GPBP1L1: variants seen among roughly 807,000 people sequenced by gnomAD.
The protein encoded by GPBP1L1 is GC-rich promoter binding protein 1 like 1.
A neutral mutation model predicts 52.5 loss-of-function variants in GPBP1L1; 23 were observed. That is an observed-to-expected ratio of 0.44 (90% confidence interval 0.32 to 0.62). The LOEUF (loss-of-function observed/expected upper bound fraction) is 0.62, where lower values mean the gene tolerates loss of function less well. GPBP1L1 is among the 20% of genes least tolerant of loss of function. The probability of loss-of-function intolerance (pLI) is 0.06; values close to 1 mark genes in which losing one functional copy is unlikely to be tolerated. For missense variants in GPBP1L1, 596 were observed against 579.3 expected, an observed-to-expected ratio of 1.03 and a Z score of -0.30; for synonymous variants, 243 against 203.1, an observed-to-expected ratio of 1.20 and a Z score of -1.67.
rs996254720 is a variant in GPBP1L1 at position 45,660,974 on chromosome 1, A to G, written c.-846T>C. On this transcript the variant is annotated 5_prime_UTR_variant, in exon 3 of 13. Transcript: ENST00000355105. ...CCTTTACTATTTATAAATTCAGAGC[A>G]AAGTTAAAACATTAGAACGATGGGT... The G allele has an allele frequency of 6.6e-6, 1 of 152,254 alleles. No individual in the cohort carries two copies. The highest frequency in any genetic ancestry group is 2.4e-5 in the African/African-American group (1 of 41,464). 9.4% of individuals were successfully genotyped at this position (152,254 alleles called of 1,614,324 possible).
At chr1:45,639,274 G>A (rs1300342057) in intron 8 of GPBP1L1, among the ~76,000 whole-genome samples, 1 of 152,136 alleles carries the variant, frequency 6.6e-6, no homozygotes, top group Non-Finnish European at 1.5e-5. Flanking sequence ...AGGTATACTA[G>A]AACAGTAAAT....
At chr1:45,634,372 G>A in intron 8 of GPBP1L1, 136 bp from the exon 9 acceptor site, 1 of 841,796 alleles carries the variant, frequency 1.2e-6, no homozygotes, top group East Asian at 2.7e-5. Context: ...ACATGTTTGG[G>A]AAGTATGCAA....
Position 45,630,577 on chromosome 1 carries a change from C to G in GPBP1L1, c.1074G>C (p.Lys358Asn), listed in dbSNP as rs746106349. ...DLEDNSTPEPKENGEEGCHQN... is the reference protein window; with the variant it reads ...DLEDNSTPEPNENGEEGCHQN... Reference sequence around the variant, plus strand: ...GATGACAGCCTTCCTCCCCATTTTCCTTTGGTTCAGGTGTGCTGTTGTCCT... The same window carrying G: ...GATGACAGCCTTCCTCCCCATTTTCGTTTGGTTCAGGTGTGCTGTTGTCCT... The change falls in exon 11 of 13, where the codon AAG (lysine) becomes AAC (asparagine). Residue 358 changes from lysine to asparagine, a missense_variant. Physicochemically the swap from Lys to Asn is moderately conservative, Grantham distance 94. Transcript: ENST00000355105. 1 of 1,614,072 alleles carries G rather than the reference C, an allele frequency of 6.2e-7. No individual in the cohort carries two copies. The highest frequency in any genetic ancestry group is 1.1e-5 in the South Asian group (1 of 91,078).
chr1:45,628,000 G>GTGTGTA lies in GPBP1L1; in HGVS notation c.*250_*255dup. On this transcript the variant is annotated 3_prime_UTR_variant, in exon 13 of 13. Transcript: ENST00000355105. Reference sequence around the variant, plus strand: ...CTGTGCATCGCCCCATATATACTGGGTGTGTATGTGTGTGTGTGTGTGAGT... The same window carrying GTGTGTA: ...CTGTGCATCGCCCCATATATACTGGGTGTGTATGTGTATGTGTGTGTGTGTGTGAGT... 1 of 406,604 alleles carries GTGTGTA rather than the reference G, an allele frequency of 2.5e-6. No homozygotes were observed. The highest frequency in any genetic ancestry group is 3.8e-5 in the Admixed American group (1 of 26,084). The allele number at this position is 406,604 out of a possible 1,614,324, so 25.2% of individuals were successfully genotyped here. A position where few individuals can be genotyped will look rare whatever the true frequency, so the allele number is the denominator to read the frequency against.
intron 2 of GPBP1L1, among the ~76,000 whole-genome samples, chr1:45,682,761 T>G (rs1645226329): frequency 1.3e-5 from 2 of 152,200 alleles, no homozygotes; most frequent in Non-Finnish European, 2.9e-5. Context: ...AAAAATTCAA[T>G]TTACATAACA....
chr1:45,675,176 A>G (rs1398883872), intron 2 of GPBP1L1, among the ~76,000 whole-genome samples: 1 of 152,124 alleles, frequency 6.6e-6, no homozygotes, highest in African/African-American at 2.4e-5. Context: ...GCATGCCTGT[A>G]GTCCCAGCTA....
chr1:45,682,002 A>C (rs1189818168), intron 2 of GPBP1L1, among the ~76,000 whole-genome samples: 1 of 152,212 alleles, frequency 6.6e-6, no homozygotes, highest in East Asian at 1.9e-4. Flanking sequence ...GTTAATATCT[A>C]CTTCTTTAAA....
rs1409151221 is a variant in GPBP1L1 at position 45,634,123 on chromosome 1, A to G, written c.858T>C (p.Ser286=). Residue 286 remains serine (S), a synonymous_variant, in exon 9 of 13, where the codon AGT becomes AGC. Transcript: ENST00000355105. ...ISVTKPVVLA[S]GAALSSPKES... is the part of the protein sequence containing the mutation. ...CTTTGGGAGAACTCAGAGCTGCACC[A>G]CTAGCCAGTACCACTGGTTTGGTAA... 5.6e-6 allele frequency: 9 copies of G among 1,613,462 alleles called. No homozygotes were observed. Among genetic ancestry groups the G allele is most frequent in the Non-Finnish European group, 7.6e-6 (9 of 1,179,608 alleles).
rs893655441 is a variant in GPBP1L1 at position 45,634,228 on chromosome 1, T to C, written c.753A>G (p.Ala251=). ...TGTGCTCCATCCTGTTAGCTTTCCA[T>C]GCATTAGGCTACACAGGGTGAAAGA... is the stretch of plus-strand genomic sequence containing the variant. ...KPVPPPSKPN[A]WKANRMEHKS... is the part of the protein sequence containing the mutation. Residue 251 remains alanine (A), a synonymous_variant, in exon 9 of 13, where the codon GCA becomes GCG. Coordinates refer to ENST00000355105, the MANE Select transcript of GPBP1L1 (RefSeq NM_021639.5). 8 of 1,612,030 alleles carry C rather than the reference T, an allele frequency of 5.0e-6. No individual in the cohort carries two copies. Among genetic ancestry groups the C allele is most frequent in the Non-Finnish European group, 5.9e-6 (7 of 1,178,794 alleles).
chr1:45,647,906 G>A (rs780625223), intron 6 of GPBP1L1, among the ~76,000 whole-genome samples: 36 of 152,078 alleles, frequency 2.4e-4, no homozygotes, highest in Non-Finnish European at 4.4e-4. Flanking sequence ...GGTAGTGGCT[G>A]CTCCTTGTAT....
At chr1:45,659,372 A>T (rs977644559) in intron 3 of GPBP1L1, among the ~76,000 whole-genome samples, 3 of 152,182 alleles carry the variant, frequency 2.0e-5, no homozygotes, top group African/African-American at 7.2e-5. Context: ...TGGAAGATTT[A>T]TTTTTTGGAG....
At chr1:45,653,724 A>T (rs1281609242) in intron 6 of GPBP1L1, among the ~76,000 whole-genome samples, 1 of 145,714 alleles carries the variant, frequency 6.9e-6, no homozygotes, top group Non-Finnish European at 1.5e-5. Flanking sequence ...TTTGAGACAG[A>T]GTCTCACTCT....
rs746383079 is a variant in GPBP1L1 at position 45,659,109 on chromosome 1, A to G, written c.-22T>C. 1 of 1,613,802 alleles carries G rather than the reference A, an allele frequency of 6.2e-7. No homozygotes were observed. Among genetic ancestry groups the G allele is most frequent in the Non-Finnish European group, 8.5e-7 (1 of 1,179,692 alleles). On this transcript the variant is annotated 5_prime_UTR_variant, in exon 4 of 13. An upstream open reading frame in the 5' UTR loses its in-frame stop. Coordinates refer to ENST00000355105, the MANE Select transcript of GPBP1L1 (RefSeq NM_021639.5). ...CCATTTAGGTCCAGTGTCTCCTTTC[A>G]GTAAGGTGAGGCATCCAACCTCATG...
At chr1:45,633,302 T>A (rs1363064357) in intron 10 of GPBP1L1, among the ~76,000 whole-genome samples, 187 bp downstream of exon 10, 3 of 152,196 alleles carry the variant, frequency 2.0e-5, no homozygotes, top group African/African-American at 7.2e-5. Flanking sequence ...AAACCCGAAT[T>A]TAACATTTTT....
In GPBP1L1 at chr1:45,659,122, A is replaced by G; in HGVS notation, c.-35T>C. 6.2e-7 allele frequency: 1 copy of G among 1,609,854 alleles called. No individual in the cohort carries two copies. The highest frequency in any genetic ancestry group is 1.1e-5 in the South Asian group (1 of 90,808). On this transcript the variant is annotated 5_prime_UTR_variant, in exon 4 of 13. The change abolishes an upstream ATG in the 5' untranslated region. Coordinates refer to ENST00000355105, the MANE Select transcript of GPBP1L1 (RefSeq NM_021639.5). The stretch of plus-strand genomic sequence containing the variant: ...GTGTCTCCTTTCAGTAAGGTGAGGC[A>G]TCCAACCTCATGGCCAGGATCTGAA...
intron 6 of GPBP1L1, among the ~76,000 whole-genome samples, chr1:45,643,427 A>C (rs1206718611): frequency 6.6e-6 from 1 of 152,114 alleles, no homozygotes; most frequent in Non-Finnish European, 1.5e-5. Flanking sequence ...TACAACCGTC[A>C]CTCTAGTAGC....
intron 2 of GPBP1L1, among the ~76,000 whole-genome samples, chr1:45,675,099 C>A (rs1194613626): frequency 6.6e-6 from 1 of 152,084 alleles, no homozygotes; most frequent in Non-Finnish European, 1.5e-5. Context: ...GAGATCAAGA[C>A]CATTCTGGCT....
intron 4 of GPBP1L1, among the ~76,000 whole-genome samples, chr1:45,656,815 A>G (rs1189962688): frequency 6.6e-6 from 1 of 151,560 alleles, no homozygotes; most frequent in Non-Finnish European, 1.5e-5. Context: ...ACAGGTATTC[A>G]CCACCACACC....
intron 2 of GPBP1L1, among the ~76,000 whole-genome samples, chr1:45,664,108 G>A (rs1406313520): frequency 2.0e-5 from 3 of 152,114 alleles, no homozygotes; most frequent in Non-Finnish European, 1.5e-5. Flanking sequence ...CGAGGTGGGC[G>A]GATCACGAGG....
Sources: allele counts gnomAD v4.1 joint callset (sites outside exome capture counted in the v4.1 genomes callset), GRCh38; gene constraint gnomAD v4.1.1; transcripts MANE v1.5; gene names NCBI Gene and HGNC (gene_info 2026-07-23, HGNC 2026-07-21).